Variants in GCNT2 observed in about 807,000 individuals in gnomAD.
GCNT2 encodes N-acetyllactosaminide beta-1,6-N-acetylglucosaminyl-transferase.
Under a neutral mutation model 34.2 loss-of-function variants are expected in GCNT2, and 34 were observed. The ratio of observed to expected loss-of-function variants is 1.00; its 90% CI spans 0.76 to 1.32. The LOEUF (loss-of-function observed/expected upper bound fraction) is 1.32, where lower values mean the gene tolerates loss of function less well. Among genes scored for constraint, GCNT2 ranks in the 40% most tolerant of loss-of-function variants. The pLI, the probability that GCNT2 is intolerant of heterozygous loss-of-function variation, is 0.00. For synonymous variants in GCNT2, 212 were observed against 188.0 expected, an observed-to-expected ratio of 1.13 and a Z score of -1.04; for missense variants, 584 against 489.4, an observed-to-expected ratio of 1.19 and a Z score of -1.82.
At chr6:10,606,672 T>TAATGGAAATTTCCATTAAAGAAATTA (rs1765330176) in intron 3 of GCNT2, among the ~76,000 whole-genome samples, 1 of 150,918 alleles carries the variant, frequency 6.6e-6, no homozygotes, top group African/African-American at 2.4e-5. Flanking sequence ...TAAAGAAATT[T>TAATGGAAATTTCCATTAAAGAAATTA]AATAGTGGTT....
chr6:10,626,482 A>C lies in GCNT2; in HGVS notation c.1084A>C (p.Ser362Arg), dbSNP rs755028795. The change falls in exon 5 of 5, where the codon AGC (serine) becomes CGC (arginine). Residue 362 changes from serine (S) to arginine (R), a missense_variant. Ser to Arg is a moderately radical substitution (Grantham distance 110). Coordinates refer to ENST00000495262, the MANE Select transcript of GCNT2 (RefSeq NM_145649.5). ...CTTAAAGTGGCTGGTTAATTCACCA[A>C]GCCTGTTTGCTAACAAGTTTGAGCT... ...GDLKWLVNSPSLFANKFELNT... is the reference protein window; with the variant it reads ...GDLKWLVNSPRLFANKFELNT... The C allele has an allele frequency of 1.2e-6, 2 of 1,613,724 alleles. No homozygotes were observed. Among genetic ancestry groups the C allele is most frequent in the Admixed American group, 3.3e-5 (2 of 60,016 alleles).
chr6:10,522,821 C>T (rs1760982402), intron 1 of GCNT2, among the ~76,000 whole-genome samples: 1 of 152,114 alleles, frequency 6.6e-6, no homozygotes, highest in Admixed American at 6.5e-5. Context: ...CAAACAAAGC[C>T]TCGGGCACGG....
chr6:10,618,771 CA>C (rs1388717690), intron 3 of GCNT2, among the ~76,000 whole-genome samples: 2 of 152,070 alleles, frequency 1.3e-5, no homozygotes, highest in Non-Finnish European at 2.9e-5. Flanking sequence ...AGGCAAGCAT[CA>C]AAATAATTGT....
chr6:10,556,714 T>C, intron 3 of GCNT2: 1 of 1,614,194 alleles, frequency 6.2e-7, no homozygotes, highest in South Asian at 1.1e-5. Context: ...CCTTGGCATA[T>C]ATAATGGTCA....
At chr6:10,620,707 A>G (rs569101660) in intron 3 of GCNT2, among the ~76,000 whole-genome samples, 14 of 152,326 alleles carry the variant, frequency 9.2e-5, no homozygotes, top group South Asian at 4.1e-4. Context: ...TGATTTATAT[A>G]TTATAATCTT....
intron 3 of GCNT2, among the ~76,000 whole-genome samples, chr6:10,532,055 C>CA (rs1761518796): frequency 6.6e-6 from 1 of 152,044 alleles, no homozygotes; most frequent in East Asian, 1.9e-4. Context: ...GAGATGAGAA[C>CA]ACATGGAGCT....
chr6:10,542,010 A>C (rs771065179), intron 3 of GCNT2, among the ~76,000 whole-genome samples: 1 of 152,212 alleles, frequency 6.6e-6, no homozygotes, highest in Non-Finnish European at 1.5e-5. Context: ...CTCAACCAAC[A>C]CAAAGCTTGG....
At chr6:10,573,754 A>G (rs1763660931) in intron 3 of GCNT2, among the ~76,000 whole-genome samples, 1 of 152,246 alleles carries the variant, frequency 6.6e-6, no homozygotes, top group Non-Finnish European at 1.5e-5. Context: ...CCAGCAGGCC[A>G]GCTCACTGGA....
rs1204329126 is a variant in GCNT2, at chr6:10,581,753, A to G, written c.926-39598A>G. 7.1e-6 allele frequency: 7 copies of G among 985,086 alleles called. No homozygotes were observed. In the East Asian group the frequency reaches 6.8e-4, roughly 96 times the overall value. 61.0% of individuals were successfully genotyped at this position (985,086 alleles called of 1,614,324 possible). A position where few individuals can be genotyped will look rare whatever the true frequency, so the allele number is the denominator to read the frequency against. On this transcript the variant is annotated intron_variant, in intron 3 of 4. Transcript: ENST00000495262. Reference sequence around the variant, plus strand: ...AAAGAGAAGGGAAAAAACCGACTGAACCTGCAATAGAAGACCTTTGCCTCT... The same window carrying G: ...AAAGAGAAGGGAAAAAACCGACTGAGCCTGCAATAGAAGACCTTTGCCTCT...
intron 3 of GCNT2, among the ~76,000 whole-genome samples, chr6:10,576,902 C>T (rs1763841526): frequency 1.3e-5 from 2 of 151,786 alleles, no homozygotes; most frequent in Admixed American, 6.6e-5. Context: ...AGCTAGACTC[C>T]ATGTCTAAAA....
intron 3 of GCNT2, among the ~76,000 whole-genome samples, chr6:10,609,886 A>T (rs147063264): frequency 1.6e-5 from 2 of 124,084 alleles, no homozygotes; most frequent in African/African-American, 5.0e-5. Context: ...ACCAAGTCTG[A>T]GTTTGCTTGT....
chr6:10,544,368 G>A (rs1762171819), intron 3 of GCNT2, among the ~76,000 whole-genome samples: 1 of 151,726 alleles, frequency 6.6e-6, no homozygotes, highest in Non-Finnish European at 1.5e-5. Flanking sequence ...ACTTTGGGAG[G>A]CTGAGGCAGG....
At position 10,595,759 on chromosome 6, in the gene GCNT2, T is replaced by G. The variant is rs138075156; in HGVS notation, c.926-25592T>G. Among the ~76,000 whole-genome samples the G allele has an allele frequency of 2.4e-4, 37 of 152,322 alleles. No homozygotes were observed. In the East Asian group the frequency reaches 7.1e-3, roughly 29 times the overall value. On this transcript the variant is annotated intron_variant, in intron 3 of 4. Transcript: ENST00000495262. ...GGCCACATCTTCCCATTTTGAGTGTTTGGCTTCCTCAGTGTTAAAACAAAT... is the reference window on the plus strand; with the variant it reads ...GGCCACATCTTCCCATTTTGAGTGTGTGGCTTCCTCAGTGTTAAAACAAAT...
chr6:10,524,091 C>A (rs1376662453), intron 1 of GCNT2, among the ~76,000 whole-genome samples: 1 of 151,726 alleles, frequency 6.6e-6, no homozygotes, highest in Non-Finnish European at 1.5e-5. Context: ...CCTGCGAGAT[C>A]CATGCTGGAT....
intron 3 of GCNT2, among the ~76,000 whole-genome samples, chr6:10,595,493 G>T (rs1249248128): frequency 2.0e-5 from 3 of 152,020 alleles, no homozygotes; most frequent in African/African-American, 4.8e-5. Context: ...TGGCCAGGAT[G>T]GTCTCGATCT....
chr6:10,528,814 G>T lies in GCNT2; in HGVS notation c.-98G>T. On this transcript the variant is annotated 5_prime_UTR_variant, in exon 3 of 5. Coordinates refer to ENST00000495262, the MANE Select transcript of GCNT2 (RefSeq NM_145649.5). ...GCCAGACGAGAGCTTCAGCCATCAC[G>T]AGGATGATTTCGGAACCTGGAGAAA... The T allele has an allele frequency of 2.1e-6, 2 of 953,732 alleles. No homozygotes were observed. The highest frequency in any genetic ancestry group is 2.6e-5 in the South Asian group (2 of 76,796). 59.1% of individuals were successfully genotyped at this position (953,732 alleles called of 1,614,324 possible). A position where few individuals can be genotyped will look rare whatever the true frequency, so the allele number is the denominator to read the frequency against.
chr6:10,559,659 G>A (rs910849779), intron 3 of GCNT2, among the ~76,000 whole-genome samples: 4 of 152,244 alleles, frequency 2.6e-5, no homozygotes, highest in Non-Finnish European at 5.9e-5. Flanking sequence ...TTTGGCAAGC[G>A]CATCCCATTT....
chr6:10,598,216 T>C (rs1764940678), intron 3 of GCNT2, among the ~76,000 whole-genome samples: 1 of 152,234 alleles, frequency 6.6e-6, no homozygotes. Flanking sequence ...CTGTCAGATC[T>C]TGAGCAATTA....
intron 3 of GCNT2, among the ~76,000 whole-genome samples, chr6:10,546,720 A>G (rs1459694971): frequency 6.6e-6 from 1 of 152,168 alleles, no homozygotes; most frequent in East Asian, 1.9e-4. Context: ...GATCTCAGTG[A>G]GTTTTCAACC....
Sources: gnomAD v4.1 joint callset for allele counts (sites outside exome capture counted in the v4.1 genomes callset) on GRCh38, gnomAD v4.1.1 for gene constraint, MANE v1.5 for transcripts, NCBI Gene and HGNC (gene_info 2026-07-23, HGNC 2026-07-21) for gene names.